Variants in RPTOR observed in about 807,000 individuals in gnomAD.
RPTOR encodes regulatory-associated protein of mTOR.
In RPTOR, 21 loss-of-function variants were observed where a neutral mutation model predicts 169.9. The observed-to-expected ratio is 0.12, with a 90% CI of 0.09 to 0.18. The LOEUF (loss-of-function observed/expected upper bound fraction) is 0.18, where lower values mean the gene tolerates loss of function less well. Ranked by LOEUF, RPTOR falls within the 10% of genes least tolerant of loss-of-function variation. The pLI, the probability that RPTOR is intolerant of heterozygous loss-of-function variation, is 1.00. For synonymous variants in RPTOR, 732 were observed against 753.2 expected (o/e 0.97, Z 0.46); for missense variants, 1,133 against 1,855.9 (o/e 0.61, Z 7.16).
At chr17:80,961,505 C>T (rs2069341237) in intron 31 of RPTOR, 25 bp downstream of exon 31, 10 of 1,544,550 alleles carry the variant, frequency 6.5e-6, no homozygotes, top group Non-Finnish European at 7.0e-6. Context: ...TATTTAGCAG[C>T]CGTTCTGCTG....
chr17:80,956,104 C>T (rs1204008929), intron 28 of RPTOR, among the ~76,000 whole-genome samples: 8 of 152,144 alleles, frequency 5.3e-5, no homozygotes, highest in South Asian at 4.1e-4. Context: ...GATGAGCGTG[C>T]GTAAGCAGGA....
At chr17:80,647,654 G>T (rs2065606739) in intron 3 of RPTOR, among the ~76,000 whole-genome samples, 1 of 152,224 alleles carries the variant, frequency 6.6e-6, no homozygotes, top group African/African-American at 2.4e-5. Context: ...TACTAAGGAA[G>T]ATGAAACAGC....
At chr17:80,670,398 A>G (rs2065812660) in intron 3 of RPTOR, among the ~76,000 whole-genome samples, 1 of 152,072 alleles carries the variant, frequency 6.6e-6, no homozygotes, top group East Asian at 1.9e-4. Flanking sequence ...CACTGTTGCC[A>G]TTAGATTTTC....
chr17:80,634,700 C>T (rs1466526410), intron 2 of RPTOR, among the ~76,000 whole-genome samples: 3 of 69,916 alleles, frequency 4.3e-5, no homozygotes, highest in Admixed American at 1.5e-4. Flanking sequence ...TGTGCGTGTG[C>T]GTACTGTGTG....
rs761936041 is a variant in RPTOR, at chr17:80,545,484, G to C, written c.-146G>C. 1.6e-6 allele frequency: 1 copy of C among 618,606 alleles called. No homozygotes were observed. The allele number at this position is 618,606 out of a possible 1,614,324, so 38.3% of individuals were successfully genotyped here. A position where few individuals can be genotyped will look rare whatever the true frequency, so the allele number is the denominator to read the frequency against. On this transcript the variant is annotated 5_prime_UTR_variant, in exon 1 of 34. Transcript: ENST00000306801. ...ATAAGGATCTCAGACTTTTGCCTGA[G>C]TAAGGGTCTCCGCACTCTTTATCCA...
At chr17:80,641,417 C>T (rs527381206) in intron 2 of RPTOR, among the ~76,000 whole-genome samples, 5 of 152,274 alleles carry the variant, frequency 3.3e-5, no homozygotes, top group East Asian at 3.9e-4. Context: ...TATCTATGGG[C>T]GAAGGCCCTT....
At chr17:80,858,212 C>T (rs1567952620) in intron 13 of RPTOR, 1 of 378,574 alleles carries the variant, frequency 2.6e-6, no homozygotes, top group Non-Finnish European at 4.9e-6. Context: ...TGTCTGACCC[C>T]CGTAAGGCTG....
chr17:80,598,911 TC>T (rs2065165289), intron 1 of RPTOR, among the ~76,000 whole-genome samples: 8 of 151,748 alleles, frequency 5.3e-5, no homozygotes, highest in Admixed American at 5.3e-4. Context: ...TATCTATCTA[TC>T]TATCTATCTA....
At chr17:80,877,602 G>A (rs780861792) in intron 13 of RPTOR, among the ~76,000 whole-genome samples, 2 of 152,314 alleles carry the variant, frequency 1.3e-5, no homozygotes, top group South Asian at 2.1e-4. Context: ...TGTGGGCTTC[G>A]ATTTGACTTG....
At chr17:80,613,493 C>A (rs2065286055) in intron 1 of RPTOR, among the ~76,000 whole-genome samples, 1 of 152,202 alleles carries the variant, frequency 6.6e-6, no homozygotes, top group Admixed American at 6.5e-5. Context: ...TTTTCTTGTG[C>A]TTATATTTAG....
At chr17:80,631,422 C>T (rs62068344) in intron 2 of RPTOR, among the ~76,000 whole-genome samples, 18,616 of 152,052 alleles carry the variant, frequency 0.12, 1,612 homozygotes, top group African/African-American at 0.25. Flanking sequence ...GATATGCAAG[C>T]GCACACTGGG....
chr17:80,787,501 T>G (rs1186436315), intron 6 of RPTOR, among the ~76,000 whole-genome samples: 1 of 152,240 alleles, frequency 6.6e-6, no homozygotes, highest in Non-Finnish European at 1.5e-5. Flanking sequence ...TTCTGTGTGT[T>G]CTTTTGAACA....
chr17:80,674,810 AAAAAAAAAAAAAAAAC>A (rs2065849898), intron 3 of RPTOR, among the ~76,000 whole-genome samples: 2 of 129,444 alleles, frequency 1.5e-5, no homozygotes, highest in African/African-American at 6.5e-5. Flanking sequence ...AAAAAAAAAA[AAAAAAAAAAAAAAAAC>A]AACTTCTCAA....
chr17:80,930,741 A>G (rs1418984488), intron 24 of RPTOR, among the ~76,000 whole-genome samples: 2 of 152,188 alleles, frequency 1.3e-5, no homozygotes, highest in African/African-American at 4.8e-5. Flanking sequence ...GAAGTGGGAG[A>G]CGTAGCTTCT....
chr17:80,715,457 G>A (rs1331724619), intron 4 of RPTOR, among the ~76,000 whole-genome samples: 1 of 152,168 alleles, frequency 6.6e-6, no homozygotes, highest in East Asian at 1.9e-4. Context: ...ATCCCTGTGA[G>A]GCCAGGGGCT....
chr17:80,933,109 C>T (rs1172302810), intron 24 of RPTOR, among the ~76,000 whole-genome samples: 1 of 152,200 alleles, frequency 6.6e-6, no homozygotes, highest in Non-Finnish European at 1.5e-5. Context: ...TTGTCTTCAA[C>T]ACTGAACTGG....
chr17:80,700,630 G>A (rs1167667779), intron 3 of RPTOR, among the ~76,000 whole-genome samples: 53 of 14,572 alleles, frequency 3.6e-3, no homozygotes, highest in South Asian at 7.9e-3. Context: ...TGGTGGTGGC[G>A]GCGATGATGG....
chr17:80,864,431 G>C (rs566309960), intron 13 of RPTOR, among the ~76,000 whole-genome samples: 1 of 151,114 alleles, frequency 6.6e-6, no homozygotes, highest in Non-Finnish European at 1.5e-5. Context: ...CGTGATGGCA[G>C]GTTTCTCACA....
intron 28 of RPTOR, among the ~76,000 whole-genome samples, chr17:80,952,885 G>A (rs1415885858): frequency 4.4e-5 from 5 of 114,062 alleles, no homozygotes; most frequent in African/African-American, 1.4e-4. Context: ...TTTTTTTTGA[G>A]GTGGAGTCTC....
Sources: gnomAD v4.1 joint callset for allele counts (sites outside exome capture counted in the v4.1 genomes callset) on GRCh38, gnomAD v4.1.1 for gene constraint, MANE v1.5 for transcripts, NCBI Gene and HGNC (gene_info 2026-07-23, HGNC 2026-07-21) for gene names.